LY6S: variants seen among roughly 807,000 people sequenced by gnomAD.
LY6S encodes lymphocyte antigen 6 family member S.
the LY6S span, among the ~76,000 whole-genome samples, chr8:143,043,885 G>A: frequency 6.6e-6 from 1 of 152,196 alleles, no homozygotes; most frequent in African/African-American, 2.4e-5. Context: ...ATGTTGGTCA[G>A]GCTGGTCTCC....
At chr8:143,043,175 C>T in the LY6S span, 15 of 1,367,814 alleles carry the variant, frequency 1.1e-5, no homozygotes, top group Non-Finnish European at 1.4e-5. Flanking sequence ...GCTGTACGCA[C>T]AGGGCCCAGG....
chr8:143,065,432 C>G, the LY6S span, among the ~76,000 whole-genome samples: 1 of 152,198 alleles, frequency 6.6e-6, no homozygotes, highest in Non-Finnish European at 1.5e-5. Context: ...AGGTGTTCTG[C>G]CCCCTTTGCC....
At chr8:143,067,606 C>T in the LY6S span, among the ~76,000 whole-genome samples, 5 of 152,200 alleles carry the variant, frequency 3.3e-5, no homozygotes, top group Admixed American at 6.5e-5. Context: ...CGAGGACCCG[C>T]GTCGGCGCTG....
the LY6S span, among the ~76,000 whole-genome samples, chr8:143,047,433 G>A: frequency 2.0e-5 from 3 of 152,040 alleles, no homozygotes; most frequent in Admixed American, 6.6e-5. Context: ...TGAGAGGCAC[G>A]GCGCCTGGCC....
chr8:143,044,183 G>C, the LY6S span: 1 of 456,192 alleles, frequency 2.2e-6, no homozygotes, highest in Admixed American at 2.3e-5. Context: ...GGTTCTTCCA[G>C]GCAGGTAACT....
At chr8:143,049,084 C>T in the LY6S span, 9 of 484,298 alleles carry the variant, frequency 1.9e-5, no homozygotes, top group Middle Eastern at 1.1e-3. Context: ...GCCAAATGCC[C>T]GTGACCTCCT....
chr8:143,043,002 A>G, the LY6S span: 104 of 1,367,644 alleles, frequency 7.6e-5, no homozygotes, highest in Non-Finnish European at 1.0e-4. Flanking sequence ...CCCTGATCTC[A>G]TGGCTGAAAA....
At chr8:143,072,566 G>A in the LY6S span, among the ~76,000 whole-genome samples, 1 of 128,056 alleles carries the variant, frequency 7.8e-6, no homozygotes, top group Non-Finnish European at 1.6e-5. Context: ...CCTGTTTGAG[G>A]AGACAGCCGT....
At chr8:143,046,192 T>C in the LY6S span, among the ~76,000 whole-genome samples, 1 of 152,176 alleles carries the variant, frequency 6.6e-6, no homozygotes, top group Non-Finnish European at 1.5e-5. Context: ...CAGGTGGGCC[T>C]GGTGGCTCAC....
At chr8:143,044,659 C>A in the LY6S span, 1 of 1,365,412 alleles carries the variant, frequency 7.3e-7, no homozygotes, top group South Asian at 1.1e-5. Flanking sequence ...AACCTGCCCT[C>A]TGCCCTGGCA....
At chr8:143,072,716 C>T in the LY6S span, among the ~76,000 whole-genome samples, 30 of 98,356 alleles carry the variant, frequency 3.1e-4, 2 homozygotes, top group Admixed American at 4.2e-4. Flanking sequence ...CAGTCGTCGT[C>T]CTCGGGATTC....
the LY6S span, chr8:143,043,098 G>C: frequency 2.2e-6 from 3 of 1,367,396 alleles, no homozygotes; most frequent in Admixed American, 1.9e-5. Context: ...GTAGGCCTGC[G>C]GGGGAGAGGG....
chr8:143,054,566 T>C, the LY6S span, among the ~76,000 whole-genome samples: 1 of 151,984 alleles, frequency 6.6e-6, no homozygotes, highest in African/African-American at 2.4e-5. Context: ...CCACACGGAG[T>C]TGTGGGGGGT....
chr8:143,045,383 G>A, the LY6S span, among the ~76,000 whole-genome samples: 2 of 152,146 alleles, frequency 1.3e-5, no homozygotes, highest in South Asian at 2.1e-4. This position sits in a 1 kb window ranked among gnomAD's most constrained non-coding sequence, Gnocchi z 5.3. Flanking sequence ...AAACTTCAGC[G>A]AATCAGAGCA....
the LY6S span, among the ~76,000 whole-genome samples, chr8:143,052,913 C>G: frequency 6.6e-6 from 1 of 152,220 alleles, no homozygotes; most frequent in African/African-American, 2.4e-5. Flanking sequence ...TCACCTTAGA[C>G]CTGTTAATCA....
the LY6S span, among the ~76,000 whole-genome samples, chr8:143,061,552 G>A: frequency 6.6e-6 from 1 of 152,146 alleles, no homozygotes; most frequent in African/African-American, 2.4e-5. Context: ...TATTTTGTTT[G>A]TTGGTTTTTG....
the LY6S span, among the ~76,000 whole-genome samples, chr8:143,073,501 C>A: frequency 2.4e-4 from 32 of 135,204 alleles, no homozygotes; most frequent in Non-Finnish European, 2.7e-4. Context: ...CCGTCGTCCC[C>A]GGGGCTCCTG....
the LY6S span, chr8:143,044,850 C>T: frequency 7.5e-7 from 1 of 1,335,902 alleles, no homozygotes; most frequent in Non-Finnish European, 9.9e-7. Flanking sequence ...AGGACATACA[C>T]CAATGCCCTG....
chr8:143,044,680 T>A, the LY6S span: 1 of 1,367,228 alleles, frequency 7.3e-7, no homozygotes. Context: ...CCCCAGGGAC[T>A]CACTGCCAAA....
Sources: gnomAD v4.1 joint callset for allele counts (sites outside exome capture counted in the v4.1 genomes callset) on GRCh38, gnomAD v4.1.1 for gene constraint, Gnocchi (gnomAD v3.1) non-coding constraint, MANE v1.5 for transcripts, NCBI Gene and HGNC (gene_info 2026-07-23, HGNC 2026-07-21) for gene names.